CCSER1: variants seen among roughly 807,000 people sequenced by gnomAD.
The protein encoded by CCSER1 is coiled-coil serine rich protein 1.
CCSER1 carries 41 observed loss-of-function variants against 82.0 expected under a neutral mutation model. The ratio of observed to expected loss-of-function variants is 0.50; its 90% CI spans 0.39 to 0.65. The LOEUF (loss-of-function observed/expected upper bound fraction) is 0.65, where lower values mean the gene tolerates loss of function less well. Among genes scored for constraint, CCSER1 ranks in the 30% least tolerant of loss-of-function variants. CCSER1 has a pLI of 0.00. For synonymous variants in CCSER1, 414 were observed against 383.9 expected, an observed-to-expected ratio of 1.08 and a Z score of -0.92; for missense variants, 1,119 against 1,064.2, an observed-to-expected ratio of 1.05 and a Z score of -0.72.
At chr4:90,568,033 A>G (rs1415284049) in intron 5 of CCSER1, among the ~76,000 whole-genome samples, 1 of 152,192 alleles carries the variant, frequency 6.6e-6, no homozygotes, top group East Asian at 1.9e-4. Context: ...CTAATTTTAT[A>G]CCGTGTCATC....
intron 10 of CCSER1, among the ~76,000 whole-genome samples, chr4:91,517,392 T>G (rs1317681141): frequency 1.3e-5 from 2 of 152,214 alleles, no homozygotes; most frequent in African/African-American, 2.4e-5. Context: ...TTTGAGAGTT[T>G]TTAACATGAA....
chr4:91,368,550 G>C (rs1211238560), intron 10 of CCSER1, among the ~76,000 whole-genome samples: 1 of 151,928 alleles, frequency 6.6e-6, no homozygotes, highest in African/African-American at 2.4e-5. Flanking sequence ...ACATATAAGA[G>C]ATATGTTTTA....
chr4:91,115,806 CTTTTTT>C (rs527629667), intron 10 of CCSER1, among the ~76,000 whole-genome samples: 15 of 101,560 alleles, frequency 1.5e-4, no homozygotes, highest in Admixed American at 2.4e-4. Flanking sequence ...CTAGCTTTTT[CTTTTTT>C]TTTTTTTTTT....
chr4:90,769,971 A>G (rs1751826194), intron 7 of CCSER1, among the ~76,000 whole-genome samples: 1 of 152,306 alleles, frequency 6.6e-6, no homozygotes, highest in Middle Eastern at 3.4e-3. Context: ...AGCTTCTAAC[A>G]AATATGATAC....
chr4:91,497,033 A>G (rs1409495153), intron 10 of CCSER1, among the ~76,000 whole-genome samples: 1 of 150,478 alleles, frequency 6.6e-6, no homozygotes, highest in African/African-American at 2.4e-5. Flanking sequence ...TATTAGATTC[A>G]AACTTGATCT....
At chr4:90,755,198 A>G (rs1749302906) in intron 7 of CCSER1, among the ~76,000 whole-genome samples, 1 of 152,212 alleles carries the variant, frequency 6.6e-6, no homozygotes, top group African/African-American at 2.4e-5. Context: ...TTGCTACTCC[A>G]AATAACATCA....
At chr4:90,326,407 C>CA (rs1314891962) in intron 3 of CCSER1, among the ~76,000 whole-genome samples, 1 of 151,790 alleles carries the variant, frequency 6.6e-6, no homozygotes, top group African/African-American at 2.4e-5. Context: ...GAGTAGCTGC[C>CA]ATTTTTATCA....
At chr4:91,361,048 A>C (rs1390299968) in intron 10 of CCSER1, among the ~76,000 whole-genome samples, 3 of 151,736 alleles carry the variant, frequency 2.0e-5, no homozygotes, top group Non-Finnish European at 4.4e-5. Context: ...TTGAAGAGTT[A>C]AATCTAAATA....
At chr4:90,432,849 T>G (rs1190681275) in intron 4 of CCSER1, among the ~76,000 whole-genome samples, 1 of 152,144 alleles carries the variant, frequency 6.6e-6, no homozygotes, top group Non-Finnish European at 1.5e-5. Context: ...TACTCCTTCC[T>G]CGAATTCTTA....
At chr4:91,295,791 G>A (rs890802633) in intron 10 of CCSER1, among the ~76,000 whole-genome samples, 13 of 151,698 alleles carry the variant, frequency 8.6e-5, no homozygotes, top group African/African-American at 3.1e-4. Context: ...TTGGTGTTAC[G>A]CATCATACCA....
chr4:91,273,265 G>T (rs1742183524), intron 10 of CCSER1, among the ~76,000 whole-genome samples: 1 of 152,040 alleles, frequency 6.6e-6, no homozygotes, highest in South Asian at 2.1e-4. Flanking sequence ...GGTCATCTGT[G>T]ATTTCTTTCA....
At chr4:90,428,269 A>AAAAG (rs909876282) in intron 4 of CCSER1, among the ~76,000 whole-genome samples, 3 of 151,920 alleles carry the variant, frequency 2.0e-5, no homozygotes, top group Non-Finnish European at 4.4e-5. Flanking sequence ...AACATCAACA[A>AAAAG]AAAGAAAGAA....
intron 10 of CCSER1, among the ~76,000 whole-genome samples, chr4:91,120,573 T>A (rs558051552): frequency 2.0e-5 from 3 of 151,974 alleles, no homozygotes; most frequent in South Asian, 2.1e-4. Flanking sequence ...TAAAGTTTTT[T>A]TTGAAAGATT....
At chr4:91,126,931 A>G (rs921756858) in intron 10 of CCSER1, among the ~76,000 whole-genome samples, 1 of 151,958 alleles carries the variant, frequency 6.6e-6, no homozygotes, top group African/African-American at 2.4e-5. Flanking sequence ...TTGGTTTTTC[A>G]GGATTTTTTT....
chr4:90,442,267 A>T (rs954171330), intron 4 of CCSER1, among the ~76,000 whole-genome samples: 1 of 152,198 alleles, frequency 6.6e-6, no homozygotes, highest in African/African-American at 2.4e-5. Flanking sequence ...CAGTCAGAGA[A>T]ACCCCTGAGG....
At chr4:90,386,153 A>C (rs1039785288) in intron 3 of CCSER1, among the ~76,000 whole-genome samples, 2 of 152,194 alleles carry the variant, frequency 1.3e-5, no homozygotes, top group African/African-American at 4.8e-5. Context: ...AATTAGAAAA[A>C]ACAATCCTAA....
intron 10 of CCSER1, among the ~76,000 whole-genome samples, chr4:91,270,303 G>A (rs1741921561): frequency 6.6e-6 from 1 of 151,902 alleles, no homozygotes. Context: ...ATTTTTCCTA[G>A]GTAAAAATGG....
chr4:90,846,775 C>T (rs1267950538), intron 8 of CCSER1, among the ~76,000 whole-genome samples: 1 of 151,970 alleles, frequency 6.6e-6, no homozygotes, highest in African/African-American at 2.4e-5. Flanking sequence ...CTCAGCCTCC[C>T]GAGTAGCTGG....
chr4:91,299,977 C>T (rs1191243537), intron 10 of CCSER1, among the ~76,000 whole-genome samples: 2 of 151,874 alleles, frequency 1.3e-5, no homozygotes, highest in Admixed American at 6.6e-5. Context: ...AAAAACAAAA[C>T]ATTGCCAAGT....
Sources: allele counts gnomAD v4.1 joint callset (sites outside exome capture counted in the v4.1 genomes callset), GRCh38; gene constraint gnomAD v4.1.1; transcripts MANE v1.5; gene names NCBI Gene and HGNC (gene_info 2026-07-23, HGNC 2026-07-21).